EPHB3: variants seen among roughly 807,000 people sequenced by gnomAD.
The protein encoded by EPHB3 is EPH receptor B3, also known as ephrin type-B receptor 3.
EPHB3 carries 33 observed loss-of-function variants against 100.2 expected under a neutral mutation model. The ratio of observed to expected loss-of-function variants is 0.33; its 90% CI spans 0.25 to 0.44. The LOEUF is 0.44. Ranked by LOEUF, EPHB3 falls within the 20% of genes least tolerant of loss-of-function variation. The pLI is 1.00. For missense variants in EPHB3, 1,045 were observed against 1,378.3 expected (o/e 0.76, Z 3.83); for synonymous variants, 526 against 554.7 (o/e 0.95, Z 0.73).
At position 184,562,567 on chromosome 3, in the gene EPHB3, G is replaced by T. The variant is rs914163774; in HGVS notation, c.118+214G>T. Among the ~76,000 whole-genome samples, 2 of 152,214 alleles carry T rather than the reference G, an allele frequency of 1.3e-5. No individual in the cohort carries two copies. The highest frequency in any genetic ancestry group is 2.4e-5 in the African/African-American group (1 of 41,476). On this transcript the variant is annotated intron_variant, in intron 1 of 15. Coordinates refer to ENST00000330394, the MANE Select transcript of EPHB3 (RefSeq NM_004443.4). This position sits in a 1 kb window ranked among gnomAD's most constrained non-coding sequence, Gnocchi z 4.8. Reference sequence around the variant, plus strand: ...GGAGGCAGGCAGCCCGCGGGTTGGGGGGTCGCGGGGAGCTAGACTCGGGAC... The same window carrying T: ...GGAGGCAGGCAGCCCGCGGGTTGGGTGGTCGCGGGGAGCTAGACTCGGGAC...
Position 184,581,585 on chromosome 3 carries a change from G to A in EPHB3, c.2960G>A (p.Arg987Gln), listed in dbSNP as rs775664957. ...KKILSSIQDM[R>Q]LQMNQTLPVQ... ...ATCCTGAGCAGTATCCAGGACATGC[G>A]GCTGCAGATGAACCAGACGCTGCCT... The change falls in exon 16 of 16, where the codon CGG becomes CAG. Residue 987 changes from arginine to glutamine, a missense_variant. Coordinates refer to ENST00000330394, the MANE Select transcript of EPHB3 (RefSeq NM_004443.4). The A allele has an allele frequency of 1.2e-5, 19 of 1,613,460 alleles. No homozygotes were observed. Among genetic ancestry groups the A allele is most frequent in the East Asian group, 4.5e-5 (2 of 44,886 alleles).
chr3:184,581,008 C>T lies in EPHB3; in HGVS notation c.2575C>T (p.Pro859Ser), dbSNP rs773074850. Residue 859 changes from proline (P) to serine (S), a missense_variant, in exon 14 of 16, where the codon CCA becomes TCA. By Grantham distance (74) the Pro-to-Ser change is moderately conservative. Coordinates refer to ENST00000330394, the MANE Select transcript of EPHB3 (RefSeq NM_004443.4). ...NAVEQDYRLP[P>S]PMDCPTALHQ... ...CGTGGAGCAGGATTACCGGCTGCCA[C>T]CACCCATGGACTGTCCCACAGCACT... 8.7e-6 allele frequency: 14 copies of T among 1,613,230 alleles called. No homozygotes were observed. The highest frequency in any genetic ancestry group is 1.6e-4 in the Middle Eastern group (1 of 6,082).
Position 184,565,323 on chromosome 3 carries a change from A to T in EPHB3, c.118+2970A>T, listed in dbSNP as rs2108433894. On this transcript the variant is annotated intron_variant, in intron 1 of 15. Transcript: ENST00000330394. This position sits in a 1 kb window ranked among gnomAD's most constrained non-coding sequence, Gnocchi z 4.8. The stretch of plus-strand genomic sequence containing the variant: ...TCCCCAGTTCCCCAAAGCCAAGATT[A>T]TTCTCCCCTCAGGACCATCAACGGG... Among the ~76,000 whole-genome samples the T allele has an allele frequency of 6.6e-6, 1 of 152,120 alleles. No homozygotes were observed. The highest frequency in any genetic ancestry group is 2.4e-5 in the African/African-American group (1 of 41,510).
chr3:184,565,763 G>A lies in EPHB3; in HGVS notation c.118+3410G>A, dbSNP rs1056428187. Among the ~76,000 whole-genome samples, 33 of 152,308 alleles carry A rather than the reference G, an allele frequency of 2.2e-4. No homozygotes were observed. The highest frequency in any genetic ancestry group is 1.7e-3 in the Admixed American group (26 of 15,300). ...GGAGCTGGCCTTCTGAGCAGCTGCT[G>A]GGGGCCGGCAGGTATTTGGAAGAAC... On this transcript the variant is annotated intron_variant, in intron 1 of 15. Transcript: ENST00000330394. The surrounding 1 kb of genome is among the most constrained non-coding windows in gnomAD (Gnocchi z 4.8).
chr3:184,564,421 C>G (rs1308316384), intron 1 of EPHB3, among the ~76,000 whole-genome samples: 1 of 152,238 alleles, frequency 6.6e-6, no homozygotes, highest in Non-Finnish European at 1.5e-5. Context: ...ACCTACCCAC[C>G]CTCTGGCTCT....
Position 184,581,654 on chromosome 3 carries a change from G to A in EPHB3, c.*32G>A, listed in dbSNP as rs769055376. 3 of 1,543,688 alleles carry A rather than the reference G, an allele frequency of 1.9e-6. No homozygotes were observed. The African/African-American group carries it at 4.1e-5, about 21-fold the overall frequency. ...CTCCCACGGGGACCCTGAGGACCGT[G>A]CAGGGATGCCAAGCAGCCGGCTGGA... On this transcript the variant is annotated 3_prime_UTR_variant, in exon 16 of 16. Transcript: ENST00000330394.
Position 184,573,738 on chromosome 3 carries a change from A to G in EPHB3, c.856+562A>G, listed in dbSNP as rs1476286734. ...TTACTTTTTTTTTTTTTTTTTTGAG[A>G]TGGAGTTTCACAATTGTTGCCTAGG... On this transcript the variant is annotated intron_variant, in intron 3 of 15. Transcript: ENST00000330394. This position sits in a 1 kb window ranked among gnomAD's most constrained non-coding sequence, Gnocchi z 4.5. Among the ~76,000 whole-genome samples, 1 of 133,378 alleles carries G rather than the reference A, an allele frequency of 7.5e-6. No individual in the cohort carries two copies. Among genetic ancestry groups the G allele is most frequent in the Non-Finnish European group, 1.6e-5 (1 of 63,286 alleles). The allele number at this position is 133,378 out of a possible 152,430, so 87.5% of individuals were successfully genotyped here. A position where few individuals can be genotyped will look rare whatever the true frequency, so the allele number is the denominator to read the frequency against.
rs1192140638 is a variant in EPHB3 at position 184,565,740 on chromosome 3, A to G, written c.118+3387A>G. On this transcript the variant is annotated intron_variant, in intron 1 of 15. Coordinates refer to ENST00000330394, the MANE Select transcript of EPHB3 (RefSeq NM_004443.4). The surrounding 1 kb of genome is among the most constrained non-coding windows in gnomAD (Gnocchi z 4.8). Reference sequence around the variant, plus strand: ...CCAAACCCCATCCCTGTCTGTCAGGAGCTGGCCTTCTGAGCAGCTGCTGGG... The same window carrying G: ...CCAAACCCCATCCCTGTCTGTCAGGGGCTGGCCTTCTGAGCAGCTGCTGGG... Among the ~76,000 whole-genome samples, 2 of 152,166 alleles carry G rather than the reference A, an allele frequency of 1.3e-5. No homozygotes were observed. The highest frequency in any genetic ancestry group is 6.5e-5 in the Admixed American group (1 of 15,276).
chr3:184,568,963 C>G (rs1408909421), intron 1 of EPHB3, among the ~76,000 whole-genome samples: 1 of 150,942 alleles, frequency 6.6e-6, no homozygotes, highest in African/African-American at 2.4e-5. Flanking sequence ...CTCCCTCCTT[C>G]CCGCCGCCGC....
rs545309215 is a variant in EPHB3, at chr3:184,569,618, G to A, written c.119-1700G>A. 6.6e-6 allele frequency among the ~76,000 whole-genome samples: 1 copy of A among 152,328 alleles called. No homozygotes were observed. Among genetic ancestry groups the A allele is most frequent in the South Asian group, 2.1e-4 (1 of 4,826 alleles). The stretch of plus-strand genomic sequence containing the variant: ...TCCCCTTACAGCCGGGCCCTCAGGG[G>A]ACCAGGGGCTGCGGCAGCGGGAGGA... On this transcript the variant is annotated intron_variant, in intron 1 of 15. Transcript: ENST00000330394. This position sits in a 1 kb window ranked among gnomAD's most constrained non-coding sequence, Gnocchi z 5.4.
rs541615944 is a variant in EPHB3 at position 184,578,396 on chromosome 3, C to T, written c.1749-18C>T. 2.5e-5 allele frequency: 41 copies of T among 1,613,772 alleles called. No homozygotes were observed. The highest frequency in any genetic ancestry group is 1.3e-4 in the South Asian group (12 of 91,068). On this transcript the variant is annotated intron_variant, in intron 8 of 15. Transcript: ENST00000330394. The surrounding 1 kb of genome is among the most constrained non-coding windows in gnomAD (Gnocchi z 4.7). ...GATGACTTGTCTCAGGCCTGCCCTC[C>T]ACCCTGCCACCCTACAGGAAGCAGC...
rs184549125 is a variant in EPHB3, at chr3:184,578,039, G to A, written c.1748+33G>A. On this transcript the variant is annotated intron_variant, in intron 8 of 15. Transcript: ENST00000330394. This position sits in a 1 kb window ranked among gnomAD's most constrained non-coding sequence, Gnocchi z 4.7. ...CAGGCCCACTGTTGCTCCATGGGCC[G>A]CCTCGAACTGCCCTTTAGCATCCTA... 1.2e-5 allele frequency: 20 copies of A among 1,604,382 alleles called. No individual in the cohort carries two copies. Among genetic ancestry groups the A allele is most frequent in the East Asian group, 6.7e-5 (3 of 44,824 alleles).
At position 184,571,352 on chromosome 3, in the gene EPHB3, G is replaced by A. The variant is rs752152446; in HGVS notation, c.153G>A (p.Glu51=). The A allele has an allele frequency of 7.4e-6, 12 of 1,613,970 alleles. No homozygotes were observed. The highest frequency in any genetic ancestry group is 8.5e-6 in the Non-Finnish European group (10 of 1,179,984). ...TLMDTKWVTS[E]LAWTSHPESG... ...TGGACACAAAATGGGTAACATCTGA[G>A]TTGGCGTGGACATCTCATCCAGAAA... is the stretch of plus-strand genomic sequence containing the variant. The change falls in exon 2 of 16, where the codon GAG becomes GAA. Residue 51 remains glutamate, a synonymous_variant. Transcript: ENST00000330394. This position sits in a 1 kb window ranked among gnomAD's most constrained non-coding sequence, Gnocchi z 5.0.
At chr3:184,568,004 G>T (rs146466929) in intron 1 of EPHB3, among the ~76,000 whole-genome samples, 18 of 152,322 alleles carry the variant, frequency 1.2e-4, no homozygotes, top group African/African-American at 4.3e-4. Context: ...CTGGGTGTGT[G>T]TTTGTGGGCG....
chr3:184,563,861 C>T lies in EPHB3; in HGVS notation c.118+1508C>T, dbSNP rs536433393. Among the ~76,000 whole-genome samples, 18 of 152,354 alleles carry T rather than the reference C, an allele frequency of 1.2e-4. No homozygotes were observed. The East Asian group carries it at 1.5e-3, about 13-fold the overall frequency. ...TGGTACACACACACTCATACACTTA[C>T]GGGGCTATGTGTCACCTGTGTGTGT... is the stretch of plus-strand genomic sequence containing the variant. On this transcript the variant is annotated intron_variant, in intron 1 of 15. Transcript: ENST00000330394. This position sits in a 1 kb window ranked among gnomAD's most constrained non-coding sequence, Gnocchi z 4.1.
At position 184,579,444 on chromosome 3, in the gene EPHB3, T is replaced by G. The variant is rs760100920; in HGVS notation, c.1802-33T>G. ...ATCGCAGGGAGAGGCTGGCTTGACG[T>G]TACCCTCTCACGCCCACCTCTTCTC... is the stretch of plus-strand genomic sequence containing the variant. On this transcript the variant is annotated intron_variant, in intron 9 of 15. Coordinates refer to ENST00000330394, the MANE Select transcript of EPHB3 (RefSeq NM_004443.4). This position sits in a 1 kb window ranked among gnomAD's most constrained non-coding sequence, Gnocchi z 5.2. 3 of 1,607,164 alleles carry G rather than the reference T, an allele frequency of 1.9e-6. No individual in the cohort carries two copies. In the South Asian group the frequency reaches 3.3e-5, roughly 18 times the overall value.
Position 184,577,589 on chromosome 3 carries a change from TG to T in EPHB3, c.1480-66del. 1 of 1,571,522 alleles carries T rather than the reference TG, an allele frequency of 6.4e-7. No individual in the cohort carries two copies. Among genetic ancestry groups the T allele is most frequent in the Middle Eastern group, 1.7e-4 (1 of 5,836 alleles). On this transcript the variant is annotated intron_variant, in intron 6 of 15. Coordinates refer to ENST00000330394, the MANE Select transcript of EPHB3 (RefSeq NM_004443.4). This position sits in a 1 kb window ranked among gnomAD's most constrained non-coding sequence, Gnocchi z 4.9. The stretch of plus-strand genomic sequence containing the variant: ...GTATGGAGGGGGCATGTGGCAGGCC[TG>T]GGTGTGAATAGGGGCTGGTTGGCCT...
intron 3 of EPHB3, among the ~76,000 whole-genome samples, chr3:184,574,599 C>A (rs544513445): frequency 2.0e-5 from 3 of 152,166 alleles, no homozygotes; most frequent in Non-Finnish European, 4.4e-5. Context: ...CAGCCCTAGG[C>A]GTGAGAGGGG....
intron 1 of EPHB3, among the ~76,000 whole-genome samples, chr3:184,566,220 C>T (rs576853468): frequency 1.8e-4 from 28 of 152,330 alleles, no homozygotes; most frequent in East Asian, 5.8e-4. Context: ...GCTGTCCACC[C>T]GTCCTTCTGG....
Sources: allele counts gnomAD v4.1 joint callset (sites outside exome capture counted in the v4.1 genomes callset), GRCh38; gene constraint gnomAD v4.1.1; non-coding constraint Gnocchi (gnomAD v3.1); transcripts MANE v1.5; gene names NCBI Gene and HGNC (gene_info 2026-07-23, HGNC 2026-07-21).